The following GALNTL6 variants were observed in gnomAD, a reference collection of about 807,000 sequenced individuals.
GALNTL6 encodes the protein polypeptide N-acetylgalactosaminyltransferase-like 6.
A neutral mutation model predicts 73.7 loss-of-function variants in GALNTL6; 46 were observed. That is an observed-to-expected ratio of 0.62 (90% CI 0.49 to 0.80). The LOEUF is 0.80. Ranked by LOEUF, GALNTL6 falls within the 30% of genes least tolerant of loss-of-function variation. The pLI, the probability that GALNTL6 is intolerant of heterozygous loss-of-function variation, is 0.00. For synonymous variants in GALNTL6, 259 were observed against 263.7 expected (o/e 0.98, Z 0.17); for missense variants, 604 against 755.0 (o/e 0.80, Z 2.34).
chr4:172,123,561 G>T (rs982146368), intron 2 of GALNTL6, among the ~76,000 whole-genome samples: 12 of 141,126 alleles, frequency 8.5e-5, no homozygotes, highest in African/African-American at 3.2e-4. Flanking sequence ...GAGTGCAGTG[G>T]CACAATCTCG....
chr4:172,700,042 A>G (rs1733939557), intron 5 of GALNTL6, among the ~76,000 whole-genome samples: 1 of 152,176 alleles, frequency 6.6e-6, no homozygotes. Context: ...ATAAGGATTT[A>G]TCAAAAATTA....
intron 5 of GALNTL6, among the ~76,000 whole-genome samples, chr4:172,660,087 T>A (rs566087967): frequency 1.4e-4 from 22 of 152,228 alleles, no homozygotes; most frequent in Admixed American, 1.4e-3. Flanking sequence ...TTTAAAATGT[T>A]CAGAAATACG....
chr4:171,973,137 A>T (rs1739620262), intron 2 of GALNTL6, among the ~76,000 whole-genome samples: 1 of 152,136 alleles, frequency 6.6e-6, no homozygotes, highest in South Asian at 2.1e-4. Context: ...TAGCAGAGGA[A>T]GGGAAGTTGT....
chr4:172,054,699 G>T (rs543179386), intron 2 of GALNTL6, among the ~76,000 whole-genome samples: 2 of 152,244 alleles, frequency 1.3e-5, no homozygotes, highest in South Asian at 4.1e-4. Flanking sequence ...TTCAACATAA[G>T]AATTTTGAGG....
intron 5 of GALNTL6, among the ~76,000 whole-genome samples, chr4:172,695,564 A>T (rs1733632056): frequency 6.6e-6 from 1 of 152,226 alleles, no homozygotes; most frequent in Admixed American, 6.5e-5. Context: ...GATTATTTTT[A>T]TCTCCCTGAG....
chr4:172,220,543 T>A (rs1736639985), intron 2 of GALNTL6, among the ~76,000 whole-genome samples: 1 of 151,822 alleles, frequency 6.6e-6, no homozygotes, highest in Admixed American at 6.6e-5. Context: ...CCATTTTACA[T>A]GTTAGGTTGT....
intron 2 of GALNTL6, among the ~76,000 whole-genome samples, chr4:171,865,590 T>G (rs10050270): frequency 0.72 from 109,474 of 152,092 alleles, 39,681 homozygotes; most frequent in South Asian, 0.83. Flanking sequence ...ATGTTTTGTA[T>G]TTCAAGGAAA....
chr4:172,623,524 G>A (rs1026656039), intron 5 of GALNTL6, among the ~76,000 whole-genome samples: 5 of 151,970 alleles, frequency 3.3e-5, no homozygotes, highest in Admixed American at 1.3e-4. Context: ...AATATTAAAG[G>A]CATCAATCAG....
At chr4:172,797,397 G>A (rs756025757) in intron 5 of GALNTL6, among the ~76,000 whole-genome samples, 76 of 151,766 alleles carry the variant, frequency 5.0e-4, no homozygotes, top group Admixed American at 1.3e-3. Context: ...GGCGAACGCC[G>A]CTACGCCCGG....
intron 8 of GALNTL6, among the ~76,000 whole-genome samples, chr4:172,894,117 T>C (rs1746195880): frequency 6.6e-6 from 1 of 152,224 alleles, no homozygotes; most frequent in African/African-American, 2.4e-5. Flanking sequence ...TTTTGTTTCC[T>C]CTCAGTGGGA....
intron 2 of GALNTL6, among the ~76,000 whole-genome samples, chr4:172,099,779 G>A (rs979489300): frequency 3.3e-5 from 5 of 152,054 alleles, no homozygotes; most frequent in Non-Finnish European, 5.9e-5. Flanking sequence ...TATCAGTTAC[G>A]TTGGTTAGAA....
chr4:171,879,419 T>A (rs1560823994), intron 2 of GALNTL6, among the ~76,000 whole-genome samples: 1 of 152,152 alleles, frequency 6.6e-6, no homozygotes, highest in African/African-American at 2.4e-5. Flanking sequence ...CTGCAAATTC[T>A]ATATATAGCT....
In GALNTL6 at chr4:172,117,779, A is replaced by T. The variant is rs573344078; in HGVS notation, c.139-111877A>T. On this transcript the variant is annotated intron_variant, in intron 2 of 12. Coordinates refer to ENST00000506823, the MANE Select transcript of GALNTL6 (RefSeq NM_001034845.3). ...AATGAATCTCAACAACATTGTTGAG[A>T]CCAAAAGAAATTAGAATAAAAAGAG... Among the ~76,000 whole-genome samples, 8 of 152,302 alleles carry T rather than the reference A, an allele frequency of 5.3e-5. 1 individual carries two copies. In the South Asian group the frequency reaches 1.7e-3, roughly 32 times the overall value.
intron 10 of GALNTL6, among the ~76,000 whole-genome samples, chr4:172,999,007 G>A (rs1042257331): frequency 7.1e-6 from 1 of 141,308 alleles, no homozygotes; most frequent in Non-Finnish European, 1.5e-5. Flanking sequence ...AAAAAAAAAC[G>A]TTGGCTGGTA....
At chr4:172,453,945 A>G (rs1732304415) in intron 5 of GALNTL6, among the ~76,000 whole-genome samples, 1 of 152,250 alleles carries the variant, frequency 6.6e-6, no homozygotes, top group Non-Finnish European at 1.5e-5. Flanking sequence ...TACAACTTAC[A>G]GAAATATAGT....
chr4:172,656,208 A>T (rs1284711342), intron 5 of GALNTL6, among the ~76,000 whole-genome samples: 1 of 152,160 alleles, frequency 6.6e-6, no homozygotes, highest in Non-Finnish European at 1.5e-5. Context: ...GTGATGCCGA[A>T]GTTCAATCTG....
chr4:172,777,185 A>G (rs959437303), intron 5 of GALNTL6, among the ~76,000 whole-genome samples: 1 of 152,176 alleles, frequency 6.6e-6, no homozygotes, highest in Non-Finnish European at 1.5e-5. Context: ...ATTTTTTTAA[A>G]TGCTCCCCCC....
intron 2 of GALNTL6, among the ~76,000 whole-genome samples, chr4:172,085,101 G>GA (rs1291452987): frequency 2.0e-5 from 3 of 151,936 alleles, no homozygotes; most frequent in Non-Finnish European, 4.4e-5. Context: ...ATAGCTATAG[G>GA]AAAAAATCTA....
At chr4:171,880,176 T>C (rs1736398583) in intron 2 of GALNTL6, among the ~76,000 whole-genome samples, 5 of 152,162 alleles carry the variant, frequency 3.3e-5, no homozygotes, top group Admixed American at 3.3e-4. Context: ...TTTCCCTTGG[T>C]CTTTGGTGTT....
Sources: gnomAD v4.1 joint callset for allele counts (sites outside exome capture counted in the v4.1 genomes callset) on GRCh38, gnomAD v4.1.1 for gene constraint, MANE v1.5 for transcripts, NCBI Gene and HGNC (gene_info 2026-07-23, HGNC 2026-07-21) for gene names.